The following CNTNAP2 variants were observed in gnomAD, a reference collection of about 807,000 sequenced individuals.
The protein encoded by CNTNAP2 is contactin associated protein 2, also known as contactin-associated protein-like 2.
Under a neutral mutation model 155.2 loss-of-function variants are expected in CNTNAP2, and 98 were observed. The ratio of observed to expected loss-of-function variants is 0.63; its 90% CI spans 0.54 to 0.75. The LOEUF (loss-of-function observed/expected upper bound fraction) is 0.75, where lower values mean the gene tolerates loss of function less well. Ranked by LOEUF, CNTNAP2 falls within the 30% of genes least tolerant of loss-of-function variation. CNTNAP2 has a pLI of 0.00. For synonymous variants in CNTNAP2, 651 were observed against 631.2 expected (o/e 1.03, Z -0.47); for missense variants, 1,727 against 1,688.1 (o/e 1.02, Z -0.40).
At chr7:148,191,761 C>G (rs181114257) in intron 18 of CNTNAP2, among the ~76,000 whole-genome samples, 51 of 152,320 alleles carry the variant, frequency 3.3e-4, no homozygotes, top group Admixed American at 6.5e-4. Context: ...CTCACCTCCT[C>G]CTACCATCAA....
chr7:147,115,460 G>T (rs1800966874), intron 5 of CNTNAP2, among the ~76,000 whole-genome samples: 1 of 152,130 alleles, frequency 6.6e-6, no homozygotes. Context: ...ACACCAATCA[G>T]TTGAAGGTTT....
intron 3 of CNTNAP2, among the ~76,000 whole-genome samples, chr7:146,953,937 G>T (rs1234177179): frequency 6.6e-6 from 1 of 151,850 alleles, no homozygotes; most frequent in Non-Finnish European, 1.5e-5. Context: ...TAAATTAAAG[G>T]CAGTAGGGCA....
At chr7:147,327,946 A>C (rs1184743794) in intron 9 of CNTNAP2, among the ~76,000 whole-genome samples, 1 of 152,176 alleles carries the variant, frequency 6.6e-6, no homozygotes, top group African/African-American at 2.4e-5. Context: ...TTAGAAACCA[A>C]AGAATCTAGA....
chr7:148,232,516 C>A (rs993075713), intron 20 of CNTNAP2, among the ~76,000 whole-genome samples: 2 of 152,180 alleles, frequency 1.3e-5, no homozygotes, highest in African/African-American at 4.8e-5. Flanking sequence ...TAAGCACATG[C>A]TGCATTTTTA....
intron 1 of CNTNAP2, among the ~76,000 whole-genome samples, chr7:146,350,126 C>G (rs1041521963): frequency 6.6e-6 from 1 of 152,154 alleles, no homozygotes; most frequent in Non-Finnish European, 1.5e-5. Flanking sequence ...TAGATTTGGT[C>G]TTTTCACATA....
At position 148,376,464 on chromosome 7, in the gene CNTNAP2, G is replaced by A. The variant is rs1250592758; in HGVS notation, c.3476-7185G>A. Among the ~76,000 whole-genome samples the A allele has an allele frequency of 7.5e-5, 5 of 66,986 alleles. 1 individual carries two copies. The highest frequency in any genetic ancestry group is 2.1e-4 in the Admixed American group (1 of 4,748). 43.9% of individuals were successfully genotyped at this position (66,986 alleles called of 152,430 possible). A position where few individuals can be genotyped will look rare whatever the true frequency, so the allele number is the denominator to read the frequency against. On this transcript the variant is annotated intron_variant, in intron 21 of 23. Coordinates refer to ENST00000361727, the MANE Select transcript of CNTNAP2 (RefSeq NM_014141.6). Reference sequence around the variant, plus strand: ...GAGCCCAGGGGTTCAAGGGTACAGCGAGGCCTATGATCACACCGCTGCATT... The same window carrying A: ...GAGCCCAGGGGTTCAAGGGTACAGCAAGGCCTATGATCACACCGCTGCATT...
Position 147,931,334 on chromosome 7 carries a change from T to C in CNTNAP2, c.2255+27613T>C, listed in dbSNP as rs184850418. ...AAATGGAAAAGGAGACATTACAACCTGATGGCTTCAATGCTGAATTCCACC... is the reference window on the plus strand; with the variant it reads ...AAATGGAAAAGGAGACATTACAACCCGATGGCTTCAATGCTGAATTCCACC... On this transcript the variant is annotated intron_variant, in intron 14 of 23. Coordinates refer to ENST00000361727, the MANE Select transcript of CNTNAP2 (RefSeq NM_014141.6). Among the ~76,000 whole-genome samples, 72 of 151,992 alleles carry C rather than the reference T, an allele frequency of 4.7e-4. 1 individual carries two copies. The East Asian group carries it at 0.012, about 26-fold the overall frequency.
chr7:146,264,030 AT>A (rs1319436911), intron 1 of CNTNAP2, among the ~76,000 whole-genome samples: 1 of 152,198 alleles, frequency 6.6e-6, no homozygotes, highest in African/African-American at 2.4e-5. Context: ...TCCCTAATGA[AT>A]TTATTCTCCT....
chr7:146,668,437 T>TGG (rs1554465250), intron 1 of CNTNAP2, among the ~76,000 whole-genome samples: 3 of 103,116 alleles, frequency 2.9e-5, no homozygotes, highest in Non-Finnish European at 7.0e-5. Context: ...CCTGTGTGTG[T>TGG]GTGTGTGTGT....
chr7:147,700,492 G>A (rs1796220580), intron 13 of CNTNAP2, among the ~76,000 whole-genome samples: 1 of 152,082 alleles, frequency 6.6e-6, no homozygotes, highest in African/African-American at 2.4e-5. Context: ...CCCAGAAATT[G>A]TACTCACCAT....
At chr7:146,241,943 C>A (rs1022707369) in intron 1 of CNTNAP2, among the ~76,000 whole-genome samples, 2 of 152,204 alleles carry the variant, frequency 1.3e-5, no homozygotes, top group Non-Finnish European at 2.9e-5. Context: ...TTTGCTCACA[C>A]TGAATTGGAA....
chr7:146,506,995 C>G (rs1797394028), intron 1 of CNTNAP2, among the ~76,000 whole-genome samples: 1 of 152,134 alleles, frequency 6.6e-6, no homozygotes, highest in Non-Finnish European at 1.5e-5. Flanking sequence ...GACTACAGGT[C>G]CCAAGACTTC....
At chr7:148,153,022 A>AAAC (rs1805332572) in intron 17 of CNTNAP2, among the ~76,000 whole-genome samples, 1 of 144,554 alleles carries the variant, frequency 6.9e-6, no homozygotes, top group African/African-American at 2.6e-5. Flanking sequence ...CTCCGTCTCA[A>AAAC]AAAAAAAAAA....
At chr7:148,191,097 C>G (rs1367589522) in intron 18 of CNTNAP2, among the ~76,000 whole-genome samples, 2 of 152,094 alleles carry the variant, frequency 1.3e-5, no homozygotes, top group African/African-American at 4.8e-5. Context: ...AAAGCATGCA[C>G]TAGAAATGTA....
In CNTNAP2 at chr7:148,077,299, T is replaced by C. The variant is rs1246368201; in HGVS notation, c.2384-40819T>C. On this transcript the variant is annotated intron_variant, in intron 15 of 23. Coordinates refer to ENST00000361727, the MANE Select transcript of CNTNAP2 (RefSeq NM_014141.6). The stretch of plus-strand genomic sequence containing the variant: ...TCCAGCCTGGGCAACACAGCAAGAC[T>C]TCATCTCAAAAAAAAAAAAAATTAC... Among the ~76,000 whole-genome samples the C allele has an allele frequency of 2.0e-5, 3 of 146,556 alleles. No homozygotes were observed. In the East Asian group the frequency reaches 5.8e-4, roughly 29 times the overall value.
At chr7:148,201,317 A>G (rs1380752345) in intron 18 of CNTNAP2, among the ~76,000 whole-genome samples, 1 of 152,098 alleles carries the variant, frequency 6.6e-6, no homozygotes, top group Non-Finnish European at 1.5e-5. Context: ...AGCTCTTGCT[A>G]CTCTAATCAA....
In CNTNAP2 at chr7:148,106,063, A is replaced by G. The variant is rs539973998; in HGVS notation, c.2384-12055A>G. Among the ~76,000 whole-genome samples the G allele has an allele frequency of 1.7e-4, 26 of 152,290 alleles. No homozygotes were observed. In the South Asian group the frequency reaches 5.4e-3, roughly 32 times the overall value. On this transcript the variant is annotated intron_variant, in intron 15 of 23. Coordinates refer to ENST00000361727, the MANE Select transcript of CNTNAP2 (RefSeq NM_014141.6). ...GGAGACACAGCACAGACTATTTAGAAGGTGTGGCTATCAGGCCTTGGGGAT... is the reference window on the plus strand; with the variant it reads ...GGAGACACAGCACAGACTATTTAGAGGGTGTGGCTATCAGGCCTTGGGGAT...
intron 10 of CNTNAP2, among the ~76,000 whole-genome samples, chr7:147,441,667 G>A (rs894489059): frequency 2.0e-5 from 3 of 151,960 alleles, no homozygotes; most frequent in African/African-American, 7.3e-5. Flanking sequence ...CCTTATTTAG[G>A]GAGCACCCCA....
chr7:146,576,516 A>G (rs725717), intron 1 of CNTNAP2, among the ~76,000 whole-genome samples: 123,668 of 151,996 alleles, frequency 0.81, 50,988 homozygotes, highest in African/African-American at 0.91. Context: ...GTACTTCAGG[A>G]GTCCTCCTCC....
Sources: allele counts gnomAD v4.1 joint callset (sites outside exome capture counted in the v4.1 genomes callset), GRCh38; gene constraint gnomAD v4.1.1; transcripts MANE v1.5; gene names NCBI Gene and HGNC (gene_info 2026-07-23, HGNC 2026-07-21).